Variants in LAMA1 observed in about 807,000 individuals in gnomAD.
The protein encoded by LAMA1 is laminin subunit alpha 1.
In LAMA1, 219 loss-of-function variants were observed where a neutral mutation model predicts 348.7. The observed-to-expected ratio is 0.63, with a 90% confidence interval of 0.56 to 0.70. The LOEUF (loss-of-function observed/expected upper bound fraction) is 0.70. Among genes scored for constraint, LAMA1 ranks in the 30% least tolerant of loss-of-function variants. The pLI is 0.00. For missense variants in LAMA1, 3,744 were observed against 3,888.0 expected (o/e 0.96, Z 0.99); for synonymous variants, 1,487 against 1,491.0 (o/e 1.00, Z 0.06).
chr18:7,042,250 C>T lies in LAMA1; in HGVS notation c.1156G>A (p.Val386Met), dbSNP rs370681586. 1 of 1,591,768 alleles carries T rather than the reference C, an allele frequency of 6.3e-7. No homozygotes were observed. The highest frequency in any genetic ancestry group is 8.6e-7 in the Non-Finnish European group (1 of 1,162,028). ...CAAGGCTCATCCTCATAAGGAGACA[C>T]CTGAAAGGCAGAGGTTGCCCTGGAT... ...CIDGYYRPHK[V>M]SPYEDEPCRP... Residue 386 changes from valine to methionine, a missense_variant and splice_region_variant, in exon 9 of 63, where the codon GTG becomes ATG. Physicochemically the swap from Val to Met is conservative, Grantham distance 21. Around this residue, in one of 3 missense-constraint regions of LAMA1, gnomAD observed 1,529 missense variants for 1,689.4 expected, o/e 0.91. Transcript: ENST00000389658.
chr18:7,067,723 T>C (rs866778194), intron 3 of LAMA1, among the ~76,000 whole-genome samples: 7 of 152,334 alleles, frequency 4.6e-5, no homozygotes, highest in Middle Eastern at 3.4e-3. Context: ...ATGTTTATTC[T>C]AGGACTGAAT....
chr18:7,001,000 T>C (rs887199390), intron 30 of LAMA1, among the ~76,000 whole-genome samples: 3 of 152,220 alleles, frequency 2.0e-5, no homozygotes, highest in Admixed American at 1.3e-4. Context: ...GGGATGTTTA[T>C]AACCTTTTTA....
intron 44 of LAMA1, 40 bp from the exon 45 acceptor site, chr18:6,976,120 C>T (rs1274139556): frequency 4.4e-6 from 7 of 1,609,062 alleles, no homozygotes; most frequent in Non-Finnish European, 6.0e-6. Flanking sequence ...CATTTAGTGA[C>T]ACACACCGGC....
At chr18:7,052,817 G>T (rs957602631) in intron 3 of LAMA1, among the ~76,000 whole-genome samples, 1 of 151,982 alleles carries the variant, frequency 6.6e-6, no homozygotes, top group Non-Finnish European at 1.5e-5. Context: ...TCAGGAGATC[G>T]AGACCATCCT....
chr18:6,985,832 C>G (rs2057732378), intron 37 of LAMA1, among the ~76,000 whole-genome samples, 189 bp from the exon 38 acceptor site: 1 of 152,180 alleles, frequency 6.6e-6, no homozygotes. Flanking sequence ...GATCTCGGCT[C>G]ACTACAACCT....
intron 56 of LAMA1, chr18:6,955,743 C>T: frequency 5.7e-6 from 3 of 527,182 alleles, no homozygotes; most frequent in South Asian, 5.5e-5. Flanking sequence ...TACAAATTTT[C>T]ATCAGGCTTA....
intron 48 of LAMA1, among the ~76,000 whole-genome samples, chr18:6,969,587 G>T (rs2057649138): frequency 6.6e-6 from 1 of 152,068 alleles, no homozygotes; most frequent in African/African-American, 2.4e-5. Flanking sequence ...TGGAAATGTT[G>T]GCCAATATAA....
chr18:6,958,691 A>G, intron 54 of LAMA1, 29 bp from the exon 55 acceptor site: 1 of 1,558,650 alleles, frequency 6.4e-7, no homozygotes, highest in Non-Finnish European at 8.9e-7. Context: ...AAATAAATGA[A>G]AAGCTTTAAA....
chr18:6,995,785 A>G (rs1314709961), intron 33 of LAMA1, among the ~76,000 whole-genome samples: 1 of 152,228 alleles, frequency 6.6e-6, no homozygotes, highest in Non-Finnish European at 1.5e-5. Context: ...ACCTAAGAAA[A>G]AAATGCCTTT....
intron 48 of LAMA1, among the ~76,000 whole-genome samples, chr18:6,970,722 C>T (rs893530078): frequency 6.6e-6 from 1 of 151,980 alleles, no homozygotes; most frequent in African/African-American, 2.4e-5. Context: ...AAGCAATTCT[C>T]CTGTCTCAGC....
chr18:7,017,302 A>G lies in LAMA1; in HGVS notation c.2784T>C (p.Thr928=), dbSNP rs199655492. Reference sequence around the variant, plus strand: ...CCAAGCACTGGTCACACTGCTGTCCAGTCACGTTTGGTTTGCAGTCACAGA... The same window carrying G: ...CCAAGCACTGGTCACACTGCTGTCCGGTCACGTTTGGTTTGCAGTCACAGA... The part of the protein sequence containing the change: ...TGLCDCKPNV[T]GQQCDQCLHG... The change falls in exon 20 of 63, where the codon ACT becomes ACC. Residue 928 remains threonine, a synonymous_variant. Transcript: ENST00000389658. The G allele has an allele frequency of 9.6e-5, 155 of 1,613,872 alleles. No individual in the cohort carries two copies. The African/African-American group carries it at 2.0e-3, about 21-fold the overall frequency.
Position 6,978,061 on chromosome 18 carries a change from A to C in LAMA1, c.6190+135T>G, listed in dbSNP as rs1026280901. On this transcript the variant is annotated intron_variant, in intron 43 of 62. Transcript: ENST00000389658. ...ATGCATTTCCCAAGGTCCTTCTCTT[A>C]ATAAAGGCTAATCCAGATGTTAGCA... 7 of 1,341,126 alleles carry C rather than the reference A, an allele frequency of 5.2e-6. No homozygotes were observed. The Admixed American group carries it at 6.9e-5, about 13-fold the overall frequency. The allele number at this position is 1,341,126 out of a possible 1,614,324, so 83.1% of individuals were successfully genotyped here.
At chr18:6,946,401 G>A (rs1009914453) in intron 61 of LAMA1, among the ~76,000 whole-genome samples, 1 of 152,110 alleles carries the variant, frequency 6.6e-6, no homozygotes, top group Non-Finnish European at 1.5e-5. Context: ...GTATTAAGGG[G>A]GAGCCTTGTA....
Position 6,965,443 on chromosome 18 carries a change from G to A in LAMA1, c.7051-11C>T, listed in dbSNP as rs1163798144. 6.2e-7 allele frequency: 1 copy of A among 1,614,118 alleles called. No homozygotes were observed. On this transcript the variant is annotated splice_polypyrimidine_tract_variant and intron_variant, in intron 49 of 62. Coordinates refer to ENST00000389658, the MANE Select transcript of LAMA1 (RefSeq NM_005559.4). The stretch of plus-strand genomic sequence containing the variant: ...GGATAAAAAGTCTTTCTGTAAAAAA[G>A]AGAACACAGTTCCCCAGGTTATAGC...
chr18:6,969,248 C>A (rs1394192561), intron 48 of LAMA1, among the ~76,000 whole-genome samples: 1 of 152,040 alleles, frequency 6.6e-6, no homozygotes, highest in Non-Finnish European at 1.5e-5. Flanking sequence ...ACTACAGGCG[C>A]ACGCCACCAT....
rs773971709 is a variant in LAMA1 at position 6,964,811 on chromosome 18, G to T, written c.7196-8C>A. 2 of 1,614,014 alleles carry T rather than the reference G, an allele frequency of 1.2e-6. No homozygotes were observed. The highest frequency in any genetic ancestry group is 2.2e-5 in the South Asian group (2 of 91,078). On this transcript the variant is annotated splice_polypyrimidine_tract_variant and splice_region_variant and intron_variant, in intron 50 of 62. Transcript: ENST00000389658. Reference sequence around the variant, plus strand: ...CGATAACTGCTAGCACTCCTAAAAGGAGAGCACAGGCAAGAGATAAGAAAA... The same window carrying T: ...CGATAACTGCTAGCACTCCTAAAAGTAGAGCACAGGCAAGAGATAAGAAAA...
At chr18:6,960,286 A>C (rs1347359557) in intron 53 of LAMA1, 2 of 154,030 alleles carry the variant, frequency 1.3e-5, no homozygotes, top group African/African-American at 4.8e-5. Flanking sequence ...TCATCCATGA[A>C]GTAACTGATG....
At chr18:7,098,265 T>C (rs374211729) in intron 1 of LAMA1, among the ~76,000 whole-genome samples, 36 of 152,168 alleles carry the variant, frequency 2.4e-4, no homozygotes, top group South Asian at 4.2e-4. Flanking sequence ...TCTGCCCGGC[T>C]GCCACCCCGT....
At chr18:7,024,871 A>C (rs185873924) in intron 17 of LAMA1, among the ~76,000 whole-genome samples, 7 of 152,242 alleles carry the variant, frequency 4.6e-5, no homozygotes, top group Non-Finnish European at 8.8e-5. Flanking sequence ...TTCCCACCTC[A>C]GAGCACTGCC....
Sources: gnomAD v4.1 joint callset for allele counts (sites outside exome capture counted in the v4.1 genomes callset) on GRCh38, gnomAD v4.1.1 for gene constraint, gnomAD v4.1.1 regional missense constraint, MANE v1.5 for transcripts, NCBI Gene and HGNC (gene_info 2026-07-23, HGNC 2026-07-21) for gene names.